The following ANKRD30B variants were observed in gnomAD, a reference collection of about 807,000 sequenced individuals.
ANKRD30B encodes ankyrin repeat domain 30B.
Under a neutral mutation model 202.2 loss-of-function variants are expected in ANKRD30B, and 144 were observed. The ratio of observed to expected loss-of-function variants is 0.71; its 90% CI spans 0.62 to 0.82. The LOEUF (loss-of-function observed/expected upper bound fraction) is 0.82, where lower values mean the gene tolerates loss of function less well. Among genes scored for constraint, ANKRD30B ranks in the 40% least tolerant of loss-of-function variants. The probability of loss-of-function intolerance (pLI) is 0.00; values close to 1 mark genes in which losing one functional copy is unlikely to be tolerated. For synonymous variants in ANKRD30B, 508 were observed against 561.3 expected, an observed-to-expected ratio of 0.91 and a Z score of 1.34; for missense variants, 1,487 against 1,669.1, an observed-to-expected ratio of 0.89 and a Z score of 1.90.
the ANKRD30B span, among the ~76,000 whole-genome samples, chr18:14,864,594 C>T: frequency 6.6e-6 from 1 of 151,730 alleles, no homozygotes; most frequent in African/African-American, 2.4e-5. Flanking sequence ...CCCCACCCAT[C>T]TACCCCAAAA....
intron 20 of ANKRD30B, among the ~76,000 whole-genome samples, chr18:14,798,488 C>G (rs1290863909): frequency 6.6e-6 from 1 of 152,070 alleles, no homozygotes; most frequent in Non-Finnish European, 1.5e-5. Context: ...GCAGCAAAAG[C>G]TGGTTACAAA....
intron 36 of ANKRD30B, among the ~76,000 whole-genome samples, chr18:14,838,214 T>C (rs1456634726): frequency 6.6e-6 from 1 of 152,202 alleles, no homozygotes; most frequent in Non-Finnish European, 1.5e-5. Context: ...GAAGTTAAGT[T>C]TGTCTAAAAA....
chr18:14,779,050 A>G (rs1967558692), intron 10 of ANKRD30B, among the ~76,000 whole-genome samples: 1 of 152,226 alleles, frequency 6.6e-6, no homozygotes, highest in Admixed American at 6.5e-5. Flanking sequence ...CTACAGACGT[A>G]GACATTATTT....
chr18:14,833,248 CTT>C (rs1250124170), intron 34 of ANKRD30B, among the ~76,000 whole-genome samples: 2 of 142,458 alleles, frequency 1.4e-5, no homozygotes, highest in Admixed American at 7.0e-5. Context: ...AACTCATGTT[CTT>C]TTTTTTTTCT....
chr18:14,925,709 C>T, the ANKRD30B span, among the ~76,000 whole-genome samples: 1 of 152,188 alleles, frequency 6.6e-6, no homozygotes, highest in South Asian at 2.1e-4. Context: ...GCTGTGCTGG[C>T]TGCCCTGGAG....
intron 16 of ANKRD30B, among the ~76,000 whole-genome samples, chr18:14,793,514 A>T (rs995344436): frequency 2.6e-5 from 4 of 151,672 alleles, no homozygotes; most frequent in Non-Finnish European, 5.9e-5. Flanking sequence ...TTTTGCAAAA[A>T]TCATATATAA....
the ANKRD30B span, among the ~76,000 whole-genome samples, chr18:14,888,190 A>T: frequency 6.6e-6 from 1 of 151,900 alleles, no homozygotes. Context: ...ATTAGAGTTT[A>T]AGTAGATTAT....
At chr18:14,921,184 T>G in the ANKRD30B span, among the ~76,000 whole-genome samples, 4 of 151,350 alleles carry the variant, frequency 2.6e-5, no homozygotes. Context: ...CTGCCTGTTG[T>G]GGTGGGTGGA....
chr18:14,809,747 G>A (rs1461290064), intron 26 of ANKRD30B, among the ~76,000 whole-genome samples: 1 of 151,020 alleles, frequency 6.6e-6, no homozygotes. Context: ...AATCCTGCAT[G>A]CAATTTTGTT....
At chr18:14,850,463 T>C (rs970509619) in intron 41 of ANKRD30B, 81 bp downstream of exon 41, 126 of 1,319,580 alleles carry the variant, frequency 9.5e-5, no homozygotes, top group Non-Finnish European at 1.3e-4. Flanking sequence ...TGATTTAGTA[T>C]GTGTTATTCA....
the ANKRD30B span, among the ~76,000 whole-genome samples, chr18:14,940,945 T>C: frequency 6.6e-5 from 10 of 152,124 alleles, no homozygotes; most frequent in African/African-American, 1.9e-4. Flanking sequence ...GGGACTCTTA[T>C]GTAAATGAAA....
At chr18:14,889,293 G>A in the ANKRD30B span, among the ~76,000 whole-genome samples, 1 of 152,070 alleles carries the variant, frequency 6.6e-6, no homozygotes, top group Non-Finnish European at 1.5e-5. Flanking sequence ...CCTCAGGTGA[G>A]AGACTTGTTT....
the ANKRD30B span, among the ~76,000 whole-genome samples, chr18:14,879,027 CG>C: frequency 6.6e-6 from 1 of 152,078 alleles, no homozygotes; most frequent in Non-Finnish European, 1.5e-5. Flanking sequence ...GCAGGCAGGC[CG>C]GGGGCACCGC....
Position 14,853,869 on chromosome 18 carries a change from C to T in ANKRD30B, c.4537C>T (p.Leu1513=), listed in dbSNP as rs1368673048. Residue 1513 remains leucine, a synonymous_variant, in exon 43 of 44, where the codon CTA becomes TTA. Transcript: ENST00000690538. Reference sequence around the variant, plus strand: ...TCTTAATAAACAGTGTGAGGCTTCACTAAAGGTTACATCACATTCTCACTC... The same window carrying T: ...TCTTAATAAACAGTGTGAGGCTTCATTAAAGGTTACATCACATTCTCACTC... The part of the protein sequence containing the change: ...ADLNKQCEAS[L]KVTSHSHSLR... Among the ~76,000 whole-genome samples the T allele has an allele frequency of 1.3e-5, 2 of 152,154 alleles. No individual in the cohort carries two copies. Among genetic ancestry groups the T allele is most frequent in the Non-Finnish European group, 2.9e-5 (2 of 68,024 alleles).
At chr18:14,835,908 A>T (rs1027844983) in intron 34 of ANKRD30B, among the ~76,000 whole-genome samples, 12 of 152,030 alleles carry the variant, frequency 7.9e-5, no homozygotes, top group African/African-American at 2.9e-4. Context: ...TTAGAATTAA[A>T]TGTTTTCATT....
At chr18:14,759,196 G>T (rs1567982250) in intron 5 of ANKRD30B, 1 of 152,212 alleles carries the variant, frequency 6.6e-6, no homozygotes, top group Non-Finnish European at 1.5e-5. Flanking sequence ...TTGTGCTGGT[G>T]TCAGGGGTAC....
At chr18:14,882,783 G>C in the ANKRD30B span, among the ~76,000 whole-genome samples, 2 of 151,878 alleles carry the variant, frequency 1.3e-5, no homozygotes, top group African/African-American at 2.4e-5. Flanking sequence ...AAATTTGGGA[G>C]CTCCAGTGTT....
At chr18:14,863,748 C>G in the ANKRD30B span, among the ~76,000 whole-genome samples, 1 of 148,880 alleles carries the variant, frequency 6.7e-6, no homozygotes, top group African/African-American at 2.5e-5. Flanking sequence ...GAATTCCTCT[C>G]TAACTCATTC....
chr18:14,870,022 GA>G, the ANKRD30B span, among the ~76,000 whole-genome samples: 1 of 152,084 alleles, frequency 6.6e-6, no homozygotes, highest in Non-Finnish European at 1.5e-5. Flanking sequence ...TTTTAGTAGA[GA>G]TGAGGTTTCA....
Sources: allele counts gnomAD v4.1 joint callset (sites outside exome capture counted in the v4.1 genomes callset), GRCh38; gene constraint gnomAD v4.1.1; transcripts MANE v1.5; gene names NCBI Gene and HGNC (gene_info 2026-07-23, HGNC 2026-07-21).